VWA3B: variants seen among roughly 807,000 people sequenced by gnomAD.
VWA3B encodes the protein von Willebrand factor A domain containing 3B, also known as von Willebrand factor A domain-containing protein 3B.
Under a neutral mutation model 158.3 loss-of-function variants are expected in VWA3B, and 138 were observed. The ratio of observed to expected loss-of-function variants is 0.87; its 90% CI spans 0.76 to 1.00. VWA3B has a LOEUF of 1.00. VWA3B is among the 50% of genes least tolerant of loss of function. The pLI is 0.00. For missense variants in VWA3B, 1,555 were observed against 1,565.1 expected, an observed-to-expected ratio of 0.99 and a Z score of 0.11; for synonymous variants, 596 against 587.3, an observed-to-expected ratio of 1.01 and a Z score of -0.21.
intron 2 of VWA3B, among the ~76,000 whole-genome samples, chr2:98,112,080 A>AT (rs997440330): frequency 6.6e-6 from 1 of 152,076 alleles, no homozygotes; most frequent in South Asian, 2.1e-4. Flanking sequence ...TCTTCAATTA[A>AT]TTTTTTTATA....
chr2:98,114,093 A>C (rs994602133), intron 2 of VWA3B, among the ~76,000 whole-genome samples: 3 of 152,186 alleles, frequency 2.0e-5, no homozygotes, highest in African/African-American at 7.2e-5. Flanking sequence ...AGCTCTTTTT[A>C]TATTTCGTCC....
At chr2:98,297,198 C>T (rs1429681125) in intron 23 of VWA3B, among the ~76,000 whole-genome samples, 1 of 152,082 alleles carries the variant, frequency 6.6e-6, no homozygotes, top group Non-Finnish European at 1.5e-5. Context: ...TCTCCTGCCT[C>T]AGCCTCCCGA....
intron 25 of VWA3B, among the ~76,000 whole-genome samples, chr2:98,302,762 G>T (rs546956058): frequency 3.3e-5 from 5 of 152,288 alleles, no homozygotes; most frequent in African/African-American, 1.2e-4. Flanking sequence ...TACCATGCCC[G>T]GCTGCCTAGG....
chr2:98,320,803 G>C, the VWA3B span, among the ~76,000 whole-genome samples: 1 of 152,214 alleles, frequency 6.6e-6, no homozygotes, highest in African/African-American at 2.4e-5. Flanking sequence ...GCCCAATGAT[G>C]CAATAGGAGA....
intron 22 of VWA3B, among the ~76,000 whole-genome samples, chr2:98,283,955 AT>A (rs1468835867): frequency 1.3e-5 from 2 of 152,194 alleles, no homozygotes; most frequent in Non-Finnish European, 2.9e-5. Context: ...TGAACCTTGC[AT>A]TAGAAAGAAT....
At chr2:98,267,686 A>G (rs1452791634) in intron 21 of VWA3B, among the ~76,000 whole-genome samples, 1 of 151,956 alleles carries the variant, frequency 6.6e-6, no homozygotes, top group African/African-American at 2.4e-5. Context: ...AAATAACTAA[A>G]ATCAGAGCAG....
intron 22 of VWA3B, among the ~76,000 whole-genome samples, chr2:98,283,812 G>A (rs1689014557): frequency 6.6e-6 from 1 of 152,246 alleles, no homozygotes; most frequent in Non-Finnish European, 1.5e-5. Flanking sequence ...TGCATATGCA[G>A]AAACTGAGGC....
intron 14 of VWA3B, among the ~76,000 whole-genome samples, chr2:98,219,738 T>C (rs1169921092): frequency 6.6e-6 from 1 of 152,236 alleles, no homozygotes; most frequent in Non-Finnish European, 1.5e-5. Flanking sequence ...TGACAGCAGA[T>C]GTCTCATCAG....
intron 14 of VWA3B, among the ~76,000 whole-genome samples, chr2:98,218,748 T>C (rs1434198347): frequency 6.6e-6 from 1 of 152,196 alleles, no homozygotes; most frequent in African/African-American, 2.4e-5. Context: ...ATTCAGTGGG[T>C]AGCAGGACAA....
At chr2:98,200,542 CAAAAA>C (rs35030422) in intron 12 of VWA3B, among the ~76,000 whole-genome samples, 2 of 93,758 alleles carry the variant, frequency 2.1e-5, no homozygotes. Flanking sequence ...GACTCCATCT[CAAAAA>C]AAAAAAAAAA....
chr2:98,117,794 G>C (rs1674647304), intron 3 of VWA3B, among the ~76,000 whole-genome samples: 1 of 146,660 alleles, frequency 6.8e-6, no homozygotes. Flanking sequence ...CTGTCACCCA[G>C]GCTGGAGTGC....
intron 12 of VWA3B, among the ~76,000 whole-genome samples, chr2:98,209,108 A>T (rs1683271935): frequency 6.6e-6 from 1 of 151,990 alleles, no homozygotes; most frequent in Non-Finnish European, 1.5e-5. Flanking sequence ...GCTCTTTTAT[A>T]GGTAACGTGT....
chr2:98,260,367 C>T (rs1460498688), intron 21 of VWA3B, among the ~76,000 whole-genome samples: 1 of 151,448 alleles, frequency 6.6e-6, no homozygotes, highest in African/African-American at 2.4e-5. Context: ...TATTTGGGAT[C>T]TGCATCCATG....
intron 22 of VWA3B, among the ~76,000 whole-genome samples, chr2:98,278,685 C>T: frequency 6.6e-6 from 1 of 152,132 alleles, no homozygotes; most frequent in East Asian, 1.9e-4. Context: ...CAGGCTGCTG[C>T]TTCTCTTTTC....
intron 1 of VWA3B, among the ~76,000 whole-genome samples, chr2:98,092,729 T>C (rs1682410378): frequency 6.7e-6 from 1 of 148,904 alleles, no homozygotes; most frequent in Non-Finnish European, 1.5e-5. Flanking sequence ...ATTTAAACAA[T>C]ATAGAAAAGG....
chr2:98,243,529 T>C (rs1372746066), intron 19 of VWA3B, among the ~76,000 whole-genome samples: 3 of 151,992 alleles, frequency 2.0e-5, no homozygotes, highest in Non-Finnish European at 4.4e-5. Flanking sequence ...AGAGATGGGG[T>C]TTCACCATAT....
At chr2:98,138,925 G>A (rs1290759995) in intron 7 of VWA3B, among the ~76,000 whole-genome samples, 1 of 152,250 alleles carries the variant, frequency 6.6e-6, no homozygotes, top group Non-Finnish European at 1.5e-5. Flanking sequence ...CCTTCAGTCC[G>A]CCGCTGCACT....
At position 98,259,899 on chromosome 2, in the gene VWA3B, G is replaced by T. The variant is rs1173245544; in HGVS notation, c.2843+3725G>T. Among the ~76,000 whole-genome samples, 3 of 151,632 alleles carry T rather than the reference G, an allele frequency of 2.0e-5. No individual in the cohort carries two copies. The East Asian group carries it at 5.8e-4, about 29-fold the overall frequency. On this transcript the variant is annotated intron_variant, in intron 21 of 27. Transcript: ENST00000477737. ...AAAACTTCTTCTGAGCACTGGCTTT[G>T]CTGCACCCATAAATTTGGGTGTGTT...
intron 19 of VWA3B, among the ~76,000 whole-genome samples, chr2:98,243,097 A>G (rs1686184237): frequency 6.6e-6 from 1 of 152,034 alleles, no homozygotes. Flanking sequence ...TTCTGTATAT[A>G]GATATCCAGA....
Sources: allele counts gnomAD v4.1 joint callset (sites outside exome capture counted in the v4.1 genomes callset), GRCh38; gene constraint gnomAD v4.1.1; transcripts MANE v1.5; gene names NCBI Gene and HGNC (gene_info 2026-07-23, HGNC 2026-07-21).